Variants in ATP6V1C2 observed in about 807,000 individuals in gnomAD.
ATP6V1C2 encodes V-type proton ATPase subunit C 2.
A neutral mutation model predicts 56.8 loss-of-function variants in ATP6V1C2; 45 were observed. The ratio of observed to expected loss-of-function variants is 0.79; its 90% CI spans 0.62 to 1.02. ATP6V1C2 has a LOEUF of 1.02. Ranked by LOEUF, ATP6V1C2 falls within the 50% of genes least tolerant of loss-of-function variation. The pLI, the probability that ATP6V1C2 is intolerant of heterozygous loss-of-function variation, is 0.00. For synonymous variants in ATP6V1C2, 220 were observed against 201.3 expected, an observed-to-expected ratio of 1.09 and a Z score of -0.79; for missense variants, 463 against 519.7, an observed-to-expected ratio of 0.89 and a Z score of 1.06.
At chr2:10,771,981 G>A (rs1197822764) in intron 7 of ATP6V1C2, 44 bp downstream of exon 7, 3 of 1,553,910 alleles carry the variant, frequency 1.9e-6, no homozygotes, top group Middle Eastern at 1.7e-4. Context: ...CTGCCCAGTG[G>A]AGAGGAAGGT....
At chr2:10,723,045 G>A in intron 2 of ATP6V1C2, 67 bp downstream of exon 2, 4 of 1,576,252 alleles carry the variant, frequency 2.5e-6, no homozygotes, top group Admixed American at 1.8e-5. Flanking sequence ...AGGGAGACAG[G>A]TTGCTACCTC....
At chr2:10,743,262 T>C (rs1260519260) in intron 3 of ATP6V1C2, among the ~76,000 whole-genome samples, 1 of 151,730 alleles carries the variant, frequency 6.6e-6, no homozygotes. Context: ...CTAATATTTA[T>C]TTATATATAT....
At chr2:10,782,623 G>C (rs1665438978) in intron 13 of ATP6V1C2, among the ~76,000 whole-genome samples, 1 of 151,990 alleles carries the variant, frequency 6.6e-6, no homozygotes, top group Non-Finnish European at 1.5e-5. Context: ...ACGAAGTCAA[G>C]AGATGGAGAC....
intron 13 of ATP6V1C2, 143 bp downstream of exon 13, chr2:10,782,518 G>A (rs968694543): frequency 8.5e-6 from 8 of 944,770 alleles, no homozygotes; most frequent in Admixed American, 5.8e-5. Context: ...TAGCCAACAT[G>A]GTAAGACCCT....
At chr2:10,743,313 C>T (rs1205464283) in intron 3 of ATP6V1C2, among the ~76,000 whole-genome samples, 1 of 150,920 alleles carries the variant, frequency 6.6e-6, no homozygotes, top group Non-Finnish European at 1.5e-5. Flanking sequence ...CTATGTTGCT[C>T]AAGCTGATCT....
intron 10 of ATP6V1C2, among the ~76,000 whole-genome samples, chr2:10,775,475 T>A (rs1308337634): frequency 2.6e-5 from 4 of 152,178 alleles, no homozygotes; most frequent in Non-Finnish European, 5.9e-5. Context: ...GGCGGGAGCA[T>A]CTGTGTGCAG....
intron 9 of ATP6V1C2, 21 bp downstream of exon 9, chr2:10,774,901 G>A (rs1487000703): frequency 6.2e-6 from 10 of 1,613,362 alleles, no homozygotes; most frequent in Middle Eastern, 1.6e-4. Flanking sequence ...TCCAGGTTTG[G>A]TTCATCTCCC....
chr2:10,756,321 T>C (rs1386723313), intron 4 of ATP6V1C2, among the ~76,000 whole-genome samples: 1 of 151,928 alleles, frequency 6.6e-6, no homozygotes, highest in Non-Finnish European at 1.5e-5. Context: ...GATCGCACCA[T>C]TGCATTCCAG....
intron 4 of ATP6V1C2, among the ~76,000 whole-genome samples, chr2:10,760,691 C>T (rs949333019): frequency 6.6e-6 from 1 of 152,178 alleles, no homozygotes; most frequent in African/African-American, 2.4e-5. Flanking sequence ...TGCTGGGGCT[C>T]ATAGTGCCAC....
At chr2:10,739,392 C>T (rs1662426305) in intron 3 of ATP6V1C2, among the ~76,000 whole-genome samples, 1 of 152,292 alleles carries the variant, frequency 6.6e-6, no homozygotes, top group African/African-American at 2.4e-5. Flanking sequence ...TTGCGACCCT[C>T]ACTTCCAGAC....
intron 3 of ATP6V1C2, among the ~76,000 whole-genome samples, chr2:10,729,073 T>C (rs1035309596): frequency 2.0e-5 from 3 of 149,136 alleles, no homozygotes; most frequent in East Asian, 4.1e-4. Context: ...GAGGTTGTAG[T>C]GAGCCAAGAT....
At chr2:10,748,787 T>C (rs1663054270) in intron 3 of ATP6V1C2, among the ~76,000 whole-genome samples, 3 of 152,112 alleles carry the variant, frequency 2.0e-5, no homozygotes, top group Admixed American at 2.0e-4. Context: ...CTTAATTTTT[T>C]TCATCTCTAA....
chr2:10,741,342 C>T (rs965608314), intron 3 of ATP6V1C2, among the ~76,000 whole-genome samples: 2 of 152,176 alleles, frequency 1.3e-5, no homozygotes, highest in African/African-American at 4.8e-5. Flanking sequence ...CAGGGCATGA[C>T]GATTTCATTG....
Position 10,782,377 on chromosome 2 carries a change from T to G in ATP6V1C2, c.1194+2T>G. 1 of 1,613,700 alleles carries G rather than the reference T, an allele frequency of 6.2e-7. No individual in the cohort carries two copies. Among genetic ancestry groups the G allele is most frequent in the Non-Finnish European group, 8.5e-7 (1 of 1,179,886 alleles). On this transcript the variant is annotated splice_donor_variant, in intron 13 of 13. Coordinates refer to ENST00000272238, the MANE Select transcript of ATP6V1C2 (RefSeq NM_001039362.2). LOFTEE classifies it high-confidence loss of function. ...GTAGCCGCTACAAGTATACTGGATG[T>G]AGGTATCCAGAAACAGCAGTATTTC...
At position 10,784,662 on chromosome 2, in the gene ATP6V1C2, T is replaced by G. The variant is rs1365141576; in HGVS notation, c.*1399T>G. The stretch of plus-strand genomic sequence containing the variant: ...TTTTTCTAAGATAAAGTAAATGAAT[T>G]CCAGGTTAAATGTTCACTTTAAGGT... On this transcript the variant is annotated 3_prime_UTR_variant, in exon 14 of 14. Transcript: ENST00000272238. 9 of 509,954 alleles carry G rather than the reference T, an allele frequency of 1.8e-5. No homozygotes were observed. The highest frequency in any genetic ancestry group is 3.1e-5 in the Non-Finnish European group (9 of 291,078). 31.6% of individuals were successfully genotyped at this position (509,954 alleles called of 1,614,324 possible).
chr2:10,745,027 TG>T (rs1202628011), intron 3 of ATP6V1C2, among the ~76,000 whole-genome samples: 3 of 144,692 alleles, frequency 2.1e-5, no homozygotes, highest in Non-Finnish European at 4.5e-5. Context: ...TATTACCATT[TG>T]TTTATTTATT....
chr2:10,760,687 G>C (rs1486088913), intron 4 of ATP6V1C2, among the ~76,000 whole-genome samples: 1 of 152,194 alleles, frequency 6.6e-6, no homozygotes, highest in Non-Finnish European at 1.5e-5. Context: ...GCCTTGCTGG[G>C]GCTCATAGTG....
rs1160573694 is a variant in ATP6V1C2, at chr2:10,783,212, A to G, written c.1233A>G (p.Gln411=). The G allele has an allele frequency of 2.5e-6, 4 of 1,613,876 alleles. No individual in the cohort carries two copies. Among genetic ancestry groups the G allele is most frequent in the South Asian group, 2.2e-5 (2 of 91,072 alleles). The change falls in exon 14 of 14, where the codon CAA becomes CAG. Residue 411 remains glutamine, a synonymous_variant. Coordinates refer to ENST00000272238, the MANE Select transcript of ATP6V1C2 (RefSeq NM_001039362.2). ...TCCCGGGACTGCAACTCAATAACCA[A>G]GACTATTTTCCTTATGTCTACTTCC... The part of the protein sequence containing the change: ...VEIPGLQLNN[Q]DYFPYVYFHI...
rs1022876957 is a variant in ATP6V1C2, at chr2:10,782,809, G to A, written c.1195-365G>A. ...TCACGCCACTACACTCCAGCCTGGCGACAGAACAAGACTCTGTCTCAAAAA... is the reference window on the plus strand; with the variant it reads ...TCACGCCACTACACTCCAGCCTGGCAACAGAACAAGACTCTGTCTCAAAAA... On this transcript the variant is annotated intron_variant, in intron 13 of 13. Transcript: ENST00000272238. Among the ~76,000 whole-genome samples the A allele has an allele frequency of 6.9e-5, 8 of 116,584 alleles. No homozygotes were observed. In the East Asian group the frequency reaches 8.7e-4, roughly 13 times the overall value. The allele number at this position is 116,584 out of a possible 152,430, so 76.5% of individuals were successfully genotyped here.
Sources: allele counts gnomAD v4.1 joint callset (sites outside exome capture counted in the v4.1 genomes callset), GRCh38; gene constraint gnomAD v4.1.1; transcripts MANE v1.5; gene names NCBI Gene and HGNC (gene_info 2026-07-23, HGNC 2026-07-21).